The following CCDC171 variants were observed in gnomAD, a reference collection of about 807,000 sequenced individuals.
CCDC171 encodes the protein coiled-coil domain-containing protein 171.
CCDC171 carries 177 observed loss-of-function variants against 168.2 expected under a neutral mutation model. The ratio of observed to expected loss-of-function variants is 1.05; its 90% CI spans 0.93 to 1.19. The LOEUF (loss-of-function observed/expected upper bound fraction) is 1.19. CCDC171 is among the 50% of genes most tolerant of loss of function. CCDC171 has a pLI of 0.00. For missense variants in CCDC171, 1,991 were observed against 1,539.0 expected, an observed-to-expected ratio of 1.29 and a Z score of -4.91; for synonymous variants, 687 against 540.8, an observed-to-expected ratio of 1.27 and a Z score of -3.75.
At chr9:15,824,319 TTATACA>T (rs1209736863) in intron 21 of CCDC171, among the ~76,000 whole-genome samples, 6 of 151,938 alleles carry the variant, frequency 3.9e-5, no homozygotes, top group Non-Finnish European at 7.4e-5. Flanking sequence ...TTACAAATAA[TTATACA>T]TTTACATATG....
intron 7 of CCDC171, among the ~76,000 whole-genome samples, chr9:15,629,265 A>T (rs1028754630): frequency 6.6e-6 from 1 of 152,196 alleles, no homozygotes; most frequent in Non-Finnish European, 1.5e-5. Flanking sequence ...CCAAAGGCAA[A>T]GAAGTTGAAA....
intron 1 of CCDC171, among the ~76,000 whole-genome samples, chr9:16,049,204 G>A (rs1003294401): frequency 1.3e-5 from 2 of 152,152 alleles, no homozygotes; most frequent in Non-Finnish European, 1.5e-5. Context: ...ATCATATTAG[G>A]CAGAACAATT....
chr9:15,811,442 C>A (rs570695172), intron 21 of CCDC171, among the ~76,000 whole-genome samples: 2 of 152,090 alleles, frequency 1.3e-5, no homozygotes, highest in African/African-American at 4.8e-5. Flanking sequence ...GTACTCTATT[C>A]TTGAGATGTT....
At chr9:16,082,052 C>G in the CCDC171 span, among the ~76,000 whole-genome samples, 2 of 152,056 alleles carry the variant, frequency 1.3e-5, no homozygotes, top group African/African-American at 2.4e-5. Flanking sequence ...CCTCAAAAAC[C>G]TGCTCTTGAT....
intron 6 of CCDC171, among the ~76,000 whole-genome samples, chr9:16,023,540 C>T (rs1380715063): frequency 6.6e-6 from 1 of 152,138 alleles, no homozygotes; most frequent in African/African-American, 2.4e-5. Context: ...TTGCCCTGTC[C>T]AGAGGAATAA....
intron 6 of CCDC171, among the ~76,000 whole-genome samples, chr9:15,608,990 A>T (rs893147420): frequency 1.2e-3 from 130 of 107,626 alleles, no homozygotes; most frequent in South Asian, 9.5e-3. Flanking sequence ...TTTTTTTTAA[A>T]AAATATATTT....
chr9:15,809,758 A>G (rs2059250742), intron 21 of CCDC171, among the ~76,000 whole-genome samples: 1 of 152,182 alleles, frequency 6.6e-6, no homozygotes, highest in Non-Finnish European at 1.5e-5. Flanking sequence ...CAACAGCAAG[A>G]TTTATTGCAA....
chr9:15,622,732 C>G (rs531190505), intron 6 of CCDC171, among the ~76,000 whole-genome samples: 1 of 152,206 alleles, frequency 6.6e-6, no homozygotes, highest in African/African-American at 2.4e-5. Flanking sequence ...ATTTCTTTTT[C>G]AATAGCTAAG....
chr9:15,900,335 G>C (rs1821455374), intron 24 of CCDC171, among the ~76,000 whole-genome samples: 1 of 152,202 alleles, frequency 6.6e-6, no homozygotes, highest in Non-Finnish European at 1.5e-5. Context: ...AAGGAGCTGA[G>C]TATGCCCTTT....
intron 25 of CCDC171, among the ~76,000 whole-genome samples, chr9:15,957,895 C>T (rs1352494942): frequency 6.6e-6 from 1 of 151,992 alleles, no homozygotes; most frequent in East Asian, 1.9e-4. Flanking sequence ...ATAATTATAG[C>T]CACCAGAAGA....
chr9:15,631,541 AC>A (rs1383389743), intron 7 of CCDC171, among the ~76,000 whole-genome samples: 1 of 152,160 alleles, frequency 6.6e-6, no homozygotes, highest in Non-Finnish European at 1.5e-5. Flanking sequence ...TAGCTTACCA[AC>A]CAAAAAGTCC....
Position 15,819,376 on chromosome 9 carries a change from C to T in CCDC171, c.3268-27326C>T, listed in dbSNP as rs565157178. 1.5e-4 allele frequency among the ~76,000 whole-genome samples: 17 copies of T among 117,240 alleles called. 4 individuals carry two copies. Among genetic ancestry groups the T allele is most frequent in the Non-Finnish European group, 2.5e-4 (13 of 52,284 alleles). 76.9% of individuals were successfully genotyped at this position (117,240 alleles called of 152,430 possible). Reference sequence around the variant, plus strand: ...CTTAAATGTAAATGGGCTAAATGCTCCAATTAAAAGACACAGACTGGCAAA... The same window carrying T: ...CTTAAATGTAAATGGGCTAAATGCTTCAATTAAAAGACACAGACTGGCAAA... On this transcript the variant is annotated intron_variant, in intron 21 of 25. Coordinates refer to ENST00000380701, the MANE Select transcript of CCDC171 (RefSeq NM_173550.4).
chr9:16,049,358 A>G (rs2987083), intron 1 of CCDC171, among the ~76,000 whole-genome samples: 97,740 of 152,044 alleles, frequency 0.64, 34,381 homozygotes, highest in East Asian at 0.84. Context: ...CTGGTAAAGC[A>G]TTATTTTGGG....
intron 4 of CCDC171, among the ~76,000 whole-genome samples, chr9:15,580,543 A>G (rs189576178): frequency 1.1e-3 from 166 of 152,272 alleles, no homozygotes; most frequent in Middle Eastern, 3.4e-3. Context: ...GAAAAAAACA[A>G]ATAATCCCAT....
chr9:15,946,195 A>C (rs1301325929), intron 25 of CCDC171, among the ~76,000 whole-genome samples: 1 of 151,854 alleles, frequency 6.6e-6, no homozygotes, highest in Non-Finnish European at 1.5e-5. Flanking sequence ...AGTTGTAGAT[A>C]TATGGCATTA....
chr9:15,761,765 G>A (rs2056457355), intron 18 of CCDC171, among the ~76,000 whole-genome samples: 1 of 152,068 alleles, frequency 6.6e-6, no homozygotes, highest in Admixed American at 6.6e-5. Flanking sequence ...CTATTTTGGG[G>A]AGCCACAATT....
chr9:15,908,723 A>T (rs111258837), intron 24 of CCDC171, among the ~76,000 whole-genome samples: 1 of 152,174 alleles, frequency 6.6e-6, no homozygotes, highest in African/African-American at 2.4e-5. Context: ...ATGGTTCTGT[A>T]GGCTTCTAGG....
chr9:15,935,079 C>T (rs1252223263), intron 25 of CCDC171, among the ~76,000 whole-genome samples: 2 of 152,086 alleles, frequency 1.3e-5, no homozygotes, highest in East Asian at 1.9e-4. Context: ...TCTGGAACTA[C>T]ATGGTGGTGA....
At chr9:15,635,821 T>C (rs1422272809) in intron 7 of CCDC171, among the ~76,000 whole-genome samples, 2 of 152,218 alleles carry the variant, frequency 1.3e-5, no homozygotes, top group Non-Finnish European at 2.9e-5. Flanking sequence ...GAGGAATTGC[T>C]GGGTCACATG....
Sources: gnomAD v4.1 joint callset for allele counts (sites outside exome capture counted in the v4.1 genomes callset) on GRCh38, gnomAD v4.1.1 for gene constraint, MANE v1.5 for transcripts, NCBI Gene and HGNC (gene_info 2026-07-23, HGNC 2026-07-21) for gene names.